The following SUPT3H variants were observed in gnomAD, a reference collection of about 807,000 sequenced individuals.
SUPT3H encodes SPT3 homolog, SAGA and STAGA complex component, also known as transcription initiation protein SPT3 homolog.
SUPT3H carries 44 observed loss-of-function variants against 44.3 expected under a neutral mutation model. The observed-to-expected ratio is 0.99, with a 90% CI of 0.78 to 1.28. The LOEUF is 1.28. Ranked by LOEUF, SUPT3H falls within the 50% of genes most tolerant of loss-of-function variation. The pLI is 0.00. For missense variants in SUPT3H, 380 were observed against 387.1 expected (o/e 0.98, Z 0.15); for synonymous variants, 124 against 125.6 (o/e 0.99, Z 0.09).
intron 2 of SUPT3H, among the ~76,000 whole-genome samples, chr6:45,339,229 T>C (rs940537096): frequency 2.0e-5 from 3 of 152,110 alleles, no homozygotes; most frequent in African/African-American, 4.8e-5. Context: ...CTTCTTATGT[T>C]ACAGTGGTAT....
intron 3 of SUPT3H, among the ~76,000 whole-genome samples, chr6:45,067,359 C>T (rs2153548522): frequency 2.4e-5 from 3 of 125,506 alleles, no homozygotes; most frequent in African/African-American, 8.2e-5. Flanking sequence ...CCATAAAAAC[C>T]CTAGAAGAAA....
rs770702564 is a variant in SUPT3H, at chr6:45,275,398, G to A, written c.101+89803C>T. Among the ~76,000 whole-genome samples the A allele has an allele frequency of 5.2e-4, 79 of 152,096 alleles. 1 individual carries two copies. The highest frequency in any genetic ancestry group is 7.1e-4 in the Non-Finnish European group (48 of 67,994). ...TTTTAGAAAAAGAAAAAATCATTAT[G>A]ACATATTTCTAAATTTGTTCTTAAA... On this transcript the variant is annotated intron_variant, in intron 2 of 10. Coordinates refer to ENST00000371459, the MANE Select transcript of SUPT3H (RefSeq NM_003599.4).
At chr6:45,297,721 C>A (rs750898846) in intron 2 of SUPT3H, among the ~76,000 whole-genome samples, 16 of 152,108 alleles carry the variant, frequency 1.1e-4, no homozygotes, top group African/African-American at 3.9e-4. Flanking sequence ...TAAGATACTT[C>A]CCTTCTCCCC....
At chr6:44,974,618 A>C (rs1433261915) in intron 6 of SUPT3H, among the ~76,000 whole-genome samples, 1 of 152,144 alleles carries the variant, frequency 6.6e-6, no homozygotes, top group Non-Finnish European at 1.5e-5. Flanking sequence ...ATCCCCACAC[A>C]CCGGACAAAG....
intron 2 of SUPT3H, among the ~76,000 whole-genome samples, chr6:45,255,298 A>C (rs1259011116): frequency 1.3e-5 from 2 of 152,068 alleles, no homozygotes; most frequent in Admixed American, 1.3e-4. Flanking sequence ...AGCTCCTCTA[A>C]GGGCTATAAT....
rs35005958 is a variant in SUPT3H, at chr6:45,299,752, C to CAA, written c.101+65447_101+65448dup. Among the ~76,000 whole-genome samples, 28 of 103,234 alleles carry CAA rather than the reference C, an allele frequency of 2.7e-4. 1 individual carries two copies. The highest frequency in any genetic ancestry group is 1.0e-3 in the East Asian group (4 of 3,994). 67.7% of individuals were successfully genotyped at this position (103,234 alleles called of 152,430 possible). On this transcript the variant is annotated intron_variant, in intron 2 of 10. Coordinates refer to ENST00000371459, the MANE Select transcript of SUPT3H (RefSeq NM_003599.4). ...CAACACAGTGAGACCCCGGCTCTGC[C>CAA]AAAAAAAAAAAAAAATTAATTAATT...
At chr6:44,941,911 A>C (rs1395163536) in intron 9 of SUPT3H, among the ~76,000 whole-genome samples, 2 of 152,166 alleles carry the variant, frequency 1.3e-5, no homozygotes, top group African/African-American at 2.4e-5. Flanking sequence ...TGTATAAATG[A>C]GTAGAAAAAT....
At chr6:45,271,827 C>T (rs114390568) in intron 2 of SUPT3H, among the ~76,000 whole-genome samples, 2,659 of 152,260 alleles carry the variant, frequency 0.017, 49 homozygotes, top group South Asian at 0.085. Context: ...GGGAGGGAGG[C>T]TGTACCCTGC....
At position 45,071,433 on chromosome 6, in the gene SUPT3H, C is replaced by G. The variant is rs1338317392; in HGVS notation, c.186+34489G>C. ...ATGATATCCATTAAAGATCACTGAT[C>G]TGCAATCTGAGTCCTTATTATGCTT... On this transcript the variant is annotated intron_variant, in intron 3 of 10. Coordinates refer to ENST00000371459, the MANE Select transcript of SUPT3H (RefSeq NM_003599.4). Among the ~76,000 whole-genome samples the G allele has an allele frequency of 2.6e-5, 4 of 152,082 alleles. No individual in the cohort carries two copies. In the South Asian group the frequency reaches 8.3e-4, roughly 32 times the overall value.
At chr6:44,888,872 G>A (rs1176227727) in intron 10 of SUPT3H, among the ~76,000 whole-genome samples, 2 of 143,568 alleles carry the variant, frequency 1.4e-5, no homozygotes, top group East Asian at 2.0e-4. Flanking sequence ...AAACCCCATC[G>A]TCTCAGCCCA....
At chr6:44,812,954 G>C (rs973769337) in intron 11 of SUPT3H, among the ~76,000 whole-genome samples, 7 of 152,112 alleles carry the variant, frequency 4.6e-5, no homozygotes, top group African/African-American at 1.7e-4. Flanking sequence ...TGGGGGGTGA[G>C]AGCAGCAGAC....
At chr6:45,179,980 C>T (rs1238162789) in intron 2 of SUPT3H, among the ~76,000 whole-genome samples, 1 of 152,046 alleles carries the variant, frequency 6.6e-6, no homozygotes, top group Non-Finnish European at 1.5e-5. Context: ...ACTGTCTCAG[C>T]CCAGAATCTC....
At chr6:45,114,222 A>G (rs1446673830) in intron 2 of SUPT3H, among the ~76,000 whole-genome samples, 1 of 152,160 alleles carries the variant, frequency 6.6e-6, no homozygotes, top group Non-Finnish European at 1.5e-5. Flanking sequence ...ATTGCCTGGT[A>G]TGTGCCAGGC....
chr6:44,862,929 T>C (rs1248623132), intron 10 of SUPT3H, among the ~76,000 whole-genome samples: 2 of 152,150 alleles, frequency 1.3e-5, no homozygotes, highest in African/African-American at 4.8e-5. Context: ...GCTTCTCTCT[T>C]TGACGGCATA....
chr6:45,284,050 A>G (rs750568311), intron 2 of SUPT3H, among the ~76,000 whole-genome samples: 10 of 152,232 alleles, frequency 6.6e-5, no homozygotes, highest in Non-Finnish European at 1.2e-4. Flanking sequence ...ACCAACGAGA[A>G]CAAAGACACA....
At chr6:45,066,372 A>C (rs1793316328) in intron 3 of SUPT3H, among the ~76,000 whole-genome samples, 3 of 134,802 alleles carry the variant, frequency 2.2e-5, no homozygotes, top group African/African-American at 8.4e-5. Context: ...ATGGGCAAAA[A>C]CTGGAAGCAT....
At chr6:45,141,002 C>CA (rs1805086866) in intron 2 of SUPT3H, among the ~76,000 whole-genome samples, 1 of 152,076 alleles carries the variant, frequency 6.6e-6, no homozygotes, top group African/African-American at 2.4e-5. Flanking sequence ...TGTTCACCAG[C>CA]AATGGATCTA....
At chr6:44,915,223 C>A (rs1299750717) in intron 10 of SUPT3H, among the ~76,000 whole-genome samples, 1 of 152,152 alleles carries the variant, frequency 6.6e-6, no homozygotes, top group African/African-American at 2.4e-5. Flanking sequence ...ACACATTTTT[C>A]TTTCCACTGG....
chr6:45,183,128 T>C (rs1165522672), intron 2 of SUPT3H, among the ~76,000 whole-genome samples: 1 of 152,220 alleles, frequency 6.6e-6, no homozygotes, highest in African/African-American at 2.4e-5. Context: ...TACAATATTA[T>C]TCAGCCACAA....
Sources: allele counts gnomAD v4.1 joint callset (sites outside exome capture counted in the v4.1 genomes callset), GRCh38; gene constraint gnomAD v4.1.1; transcripts MANE v1.5; gene names NCBI Gene and HGNC (gene_info 2026-07-23, HGNC 2026-07-21).